Variants in RBM6 observed in about 807,000 individuals in gnomAD.
RBM6 encodes RNA-binding protein 6.
A neutral mutation model predicts 140.4 loss-of-function variants in RBM6; 23 were observed. The ratio of observed to expected loss-of-function variants is 0.16; its 90% CI spans 0.12 to 0.23. RBM6 has a LOEUF of 0.23. Ranked by LOEUF, RBM6 falls within the 10% of genes least tolerant of loss-of-function variation. RBM6 has a pLI of 1.00. For missense variants in RBM6, 1,139 were observed against 1,386.7 expected (o/e 0.82, Z 2.84); for synonymous variants, 439 against 475.6 (o/e 0.92, Z 1.00).
At chr3:50,042,299 T>C (rs2088965661) in intron 6 of RBM6, among the ~76,000 whole-genome samples, 1 of 152,224 alleles carries the variant, frequency 6.6e-6, no homozygotes. Flanking sequence ...TGTGTTGTAA[T>C]GGGAAGATCA....
At chr3:49,989,593 A>AAAT (rs994922203) in intron 5 of RBM6, among the ~76,000 whole-genome samples, 8 of 152,168 alleles carry the variant, frequency 5.3e-5, no homozygotes, top group South Asian at 2.1e-4. Context: ...TAAATAAATA[A>AAAT]AATAATAATA....
intron 6 of RBM6, among the ~76,000 whole-genome samples, chr3:50,031,060 A>G (rs2088123464): frequency 1.3e-5 from 2 of 152,256 alleles, no homozygotes; most frequent in African/African-American, 4.8e-5. Context: ...TAGAATAGTG[A>G]TCAGTAAAAA....
At position 50,017,993 on chromosome 3, in the gene RBM6, A is replaced by G. The variant is rs190328542; in HGVS notation, c.1557+18480A>G. On this transcript the variant is annotated intron_variant, in intron 6 of 20. Transcript: ENST00000266022. ...CATTACATACACAGCCTCCCCAACT[A>G]TCAGCATCCTGCAGTGTAGTGTATA... Among the ~76,000 whole-genome samples, 18 of 152,324 alleles carry G rather than the reference A, an allele frequency of 1.2e-4. No homozygotes were observed. In the East Asian group the frequency reaches 2.3e-3, roughly 20 times the overall value.
At chr3:49,976,273 A>T in intron 5 of RBM6, among the ~76,000 whole-genome samples, 1 of 152,162 alleles carries the variant, frequency 6.6e-6, no homozygotes, top group East Asian at 1.9e-4. Flanking sequence ...TGGGATAAAA[A>T]TTTTGCATTA....
At chr3:49,968,873 G>A in intron 3 of RBM6, 125 bp downstream of exon 3, 2 of 1,217,258 alleles carry the variant, frequency 1.6e-6, no homozygotes, top group South Asian at 3.4e-5. Context: ...TCCGCCTCCT[G>A]GGTTCATGCC....
Position 50,063,705 on chromosome 3 carries a change from G to A in RBM6, c.2587-1326G>A, listed in dbSNP as rs371821437. On this transcript the variant is annotated intron_variant, in intron 15 of 20. Coordinates refer to ENST00000266022, the MANE Select transcript of RBM6 (RefSeq NM_005777.3). ...TACTTTAGGTCAGGAGTTTGAGACC[G>A]CCTAGCCAATATGGTGAAACCCCCA... Among the ~76,000 whole-genome samples, 25 of 151,806 alleles carry A rather than the reference G, an allele frequency of 1.6e-4. No individual in the cohort carries two copies. In the East Asian group the frequency reaches 2.4e-3, roughly 14 times the overall value.
intron 5 of RBM6, among the ~76,000 whole-genome samples, chr3:49,994,241 T>TG (rs2085965085): frequency 6.6e-6 from 1 of 151,966 alleles, no homozygotes; most frequent in Non-Finnish European, 1.5e-5. Context: ...TTTTTTCTGT[T>TG]TTTTTTTGTA....
intron 6 of RBM6, among the ~76,000 whole-genome samples, chr3:50,019,809 T>A (rs576124353): frequency 2.6e-4 from 40 of 152,274 alleles, no homozygotes; most frequent in East Asian, 1.9e-3. Context: ...TTTTTTTTTT[T>A]AAATCATGAA....
chr3:50,068,563 GATC>G (rs1227816187), intron 17 of RBM6, 124 bp from the exon 18 acceptor site: 2 of 762,360 alleles, frequency 2.6e-6, no homozygotes, highest in Non-Finnish European at 4.3e-6. Flanking sequence ...AGGATACAGT[GATC>G]ATTTAGTAGA....
intron 6 of RBM6, among the ~76,000 whole-genome samples, chr3:50,045,462 C>T (rs1343190543): frequency 6.6e-6 from 1 of 152,170 alleles, no homozygotes; most frequent in Non-Finnish European, 1.5e-5. Context: ...TACTAAGCTC[C>T]TTTTTGGTAC....
intron 6 of RBM6, among the ~76,000 whole-genome samples, chr3:50,011,190 A>T (rs1209839457): frequency 1.3e-5 from 2 of 152,012 alleles, no homozygotes; most frequent in African/African-American, 4.8e-5. Flanking sequence ...ACTGCACTCT[A>T]GCCTGAATGA....
At chr3:50,015,093 T>C (rs1271262531) in intron 6 of RBM6, among the ~76,000 whole-genome samples, 1 of 151,070 alleles carries the variant, frequency 6.6e-6, no homozygotes, top group Non-Finnish European at 1.5e-5. Context: ...TTAAATTTTT[T>C]GTTTTATTTC....
intron 6 of RBM6, among the ~76,000 whole-genome samples, chr3:50,011,839 C>CTTTTTTTTTTT (rs201167549): frequency 1.4e-5 from 2 of 143,688 alleles, no homozygotes; most frequent in African/African-American, 5.1e-5. Flanking sequence ...TCTTTTCTTT[C>CTTTTTTTTTTT]TTTTTTTTTT....
Position 49,967,525 on chromosome 3 carries a change from C to G in RBM6, c.100C>G (p.Pro34Ala). 2 of 1,614,158 alleles carry G rather than the reference C, an allele frequency of 1.2e-6. No individual in the cohort carries two copies. The highest frequency in any genetic ancestry group is 1.7e-6 in the Non-Finnish European group (2 of 1,180,036). Residue 34 changes from proline (P) to alanine (A), a missense_variant, in exon 3 of 21, where the codon CCC (proline) becomes GCC (alanine). Around this residue, in one of 9 missense-constraint regions of RBM6, gnomAD observed 566 missense variants for 612.7 expected, o/e 0.92. Coordinates refer to ENST00000266022, the MANE Select transcript of RBM6 (RefSeq NM_005777.3). This position sits in a 1 kb window ranked among gnomAD's most constrained non-coding sequence, Gnocchi z 4.0. ...GTGGAACAGGGATTATCCTCCTCCT[C>G]CCCTTAAGAGTCATGCTCAAGAGAG... ...PGWNRDYPPP[P>A]LKSHAQERHS... is the part of the protein sequence containing the mutation.
chr3:49,950,928 A>G (rs376414496), intron 1 of RBM6, among the ~76,000 whole-genome samples: 37 of 152,306 alleles, frequency 2.4e-4, no homozygotes, highest in African/African-American at 8.7e-4. Flanking sequence ...CACATTAGCT[A>G]AAATGTGGAA....
chr3:50,007,956 T>C (rs2086663624), intron 6 of RBM6, among the ~76,000 whole-genome samples: 1 of 152,110 alleles, frequency 6.6e-6, no homozygotes, highest in African/African-American at 2.4e-5. Flanking sequence ...ATTAGCTGGG[T>C]ATGGTGGTGC....
chr3:49,996,951 C>T (rs1344409278), intron 5 of RBM6, among the ~76,000 whole-genome samples: 1 of 152,140 alleles, frequency 6.6e-6, no homozygotes, highest in Non-Finnish European at 1.5e-5. Flanking sequence ...TTTACCTATC[C>T]TTTCTTTGCC....
intron 15 of RBM6, among the ~76,000 whole-genome samples, chr3:50,063,253 T>C (rs1029762413): frequency 1.2e-4 from 18 of 152,176 alleles, no homozygotes; most frequent in African/African-American, 4.1e-4. Flanking sequence ...TCTTTTAAAT[T>C]ACTCCCTATG....
Position 50,077,009 on chromosome 3 carries a change from C to G in RBM6, c.3248C>G (p.Ala1083Gly). 1 of 1,609,158 alleles carries G rather than the reference C, an allele frequency of 6.2e-7. No homozygotes were observed. The highest frequency in any genetic ancestry group is 8.5e-7 in the Non-Finnish European group (1 of 1,178,554). The change falls in exon 21 of 21, where the codon GCT becomes GGT. Residue 1083 changes from alanine (A) to glycine (G), a missense_variant and splice_region_variant. Physicochemically the swap from Ala to Gly is moderately conservative, Grantham distance 60. Around this residue, in one of 9 missense-constraint regions of RBM6, gnomAD observed 125 missense variants for 142.0 expected, o/e 0.88. Transcript: ENST00000266022. The part of the protein sequence containing the change: ...GHPGLASSEE[A>G]EGRMRGPSVG... ...TCATAGTTTGTCTTTGTTTTACAGGCTGAAGGCCGGATGAGGGGCCCCAGT... is the reference window on the plus strand; with the variant it reads ...TCATAGTTTGTCTTTGTTTTACAGGGTGAAGGCCGGATGAGGGGCCCCAGT...
Sources: gnomAD v4.1 joint callset for allele counts (sites outside exome capture counted in the v4.1 genomes callset) on GRCh38, gnomAD v4.1.1 for gene constraint, gnomAD v4.1.1 regional missense constraint, Gnocchi (gnomAD v3.1) non-coding constraint, MANE v1.5 for transcripts, NCBI Gene and HGNC (gene_info 2026-07-23, HGNC 2026-07-21) for gene names.